The following WWOX variants were observed in gnomAD, a reference collection of about 807,000 sequenced individuals.
WWOX encodes the protein WW domain containing oxidoreductase, also known as WW domain-containing oxidoreductase.
Under a neutral mutation model 46.2 loss-of-function variants are expected in WWOX, and 69 were observed. That is an observed-to-expected ratio of 1.49 (90% CI 1.23 to 1.82). The LOEUF is 1.82. Among genes scored for constraint, WWOX ranks in the 40% most tolerant of loss-of-function variants. The pLI, the probability that WWOX is intolerant of heterozygous loss-of-function variation, is 0.00. For synonymous variants in WWOX, 359 were observed against 202.6 expected (o/e 1.77, Z -6.56); for missense variants, 919 against 542.6 (o/e 1.69, Z -6.89).
At chr16:78,364,045 C>A (rs1279251399) in intron 5 of WWOX, among the ~76,000 whole-genome samples, 4 of 152,158 alleles carry the variant, frequency 2.6e-5, no homozygotes, top group African/African-American at 4.8e-5. Flanking sequence ...CGTGCCACAT[C>A]CCCCCACTCA....
intron 8 of WWOX, among the ~76,000 whole-genome samples, chr16:78,730,617 A>ATTTTGTTTTTT (rs2048946607): frequency 8.1e-6 from 1 of 123,062 alleles, no homozygotes; most frequent in African/African-American, 2.9e-5. Context: ...ACGCCCGGCA[A>ATTTTGTTTTTT]TTTTTTTTTT....
chr16:78,964,049 A>C (rs2046321393), intron 8 of WWOX, among the ~76,000 whole-genome samples: 1 of 152,212 alleles, frequency 6.6e-6, no homozygotes, highest in African/African-American at 2.4e-5. Context: ...TAGAACTGTA[A>C]GCCTGATTAA....
intron 7 of WWOX, among the ~76,000 whole-genome samples, chr16:78,429,647 T>C (rs1422885829): frequency 1.3e-5 from 2 of 152,232 alleles, no homozygotes; most frequent in African/African-American, 4.8e-5. Context: ...TTTCAAGTCA[T>C]GTCCCATACC....
intron 5 of WWOX, among the ~76,000 whole-genome samples, chr16:78,353,363 C>T (rs2081220921): frequency 6.6e-6 from 1 of 152,308 alleles, no homozygotes; most frequent in East Asian, 1.9e-4. Context: ...ACAGATGCCA[C>T]AGCTGGGCTG....
chr16:78,927,768 C>T (rs1413021210), intron 8 of WWOX, among the ~76,000 whole-genome samples: 4 of 152,108 alleles, frequency 2.6e-5, no homozygotes, highest in African/African-American at 7.2e-5. Flanking sequence ...ATTGCTCCAG[C>T]GTGGGGGAAT....
In WWOX at chr16:78,594,429, G is replaced by GCCCCCCCCCCCCCCCC. The variant is rs138806967; in HGVS notation, c.1056+161678_1056+161693dup. On this transcript the variant is annotated intron_variant, in intron 8 of 8. Transcript: ENST00000566780. ...TCTTGACGAAGAAGACTGAGGAAAG[G>GCCCCCCCCCCCCCCCC]CCCCCCCCCCCCCCCCGCCAAATTG... Among the ~76,000 whole-genome samples, 29 of 32,376 alleles carry GCCCCCCCCCCCCCCCC rather than the reference G, an allele frequency of 9.0e-4. 2 individuals are homozygous for GCCCCCCCCCCCCCCCC. The highest frequency in any genetic ancestry group is 2.4e-3 in the African/African-American group (18 of 7,364). The allele number at this position is 32,376 out of a possible 152,430, so 21.2% of individuals were successfully genotyped here. A position where few individuals can be genotyped will look rare whatever the true frequency, so the allele number is the denominator to read the frequency against.
chr16:78,693,026 T>C (rs938484314), intron 8 of WWOX, among the ~76,000 whole-genome samples: 1 of 152,234 alleles, frequency 6.6e-6, no homozygotes, highest in Non-Finnish European at 1.5e-5. Context: ...CCCAACCATA[T>C]GGACATCATA....
At chr16:79,028,209 A>G (rs1370116057) in intron 8 of WWOX, among the ~76,000 whole-genome samples, 1 of 151,730 alleles carries the variant, frequency 6.6e-6, no homozygotes, top group Non-Finnish European at 1.5e-5. Flanking sequence ...TTGGCCTCCC[A>G]AAGTGCTGGG....
At chr16:78,391,016 C>G (rs1567544493) in intron 6 of WWOX, among the ~76,000 whole-genome samples, 2 of 152,168 alleles carry the variant, frequency 1.3e-5, no homozygotes, top group Non-Finnish European at 2.9e-5. Context: ...TTTCTCCACA[C>G]TGGGATAGGC....
chr16:79,187,134 C>G (rs909941910), intron 8 of WWOX, among the ~76,000 whole-genome samples: 2 of 152,188 alleles, frequency 1.3e-5, no homozygotes, highest in African/African-American at 4.8e-5. Flanking sequence ...CCCCTGGGTT[C>G]AAATCCCAGC....
intron 6 of WWOX, among the ~76,000 whole-genome samples, chr16:78,406,783 C>T (rs368723899): frequency 1.3e-5 from 2 of 151,920 alleles, no homozygotes; most frequent in South Asian, 2.1e-4. Flanking sequence ...TGTGCCACCA[C>T]GCCTGGTTAG....
At chr16:78,725,844 T>G (rs980873926) in intron 8 of WWOX, among the ~76,000 whole-genome samples, 6 of 152,074 alleles carry the variant, frequency 3.9e-5, no homozygotes, top group African/African-American at 1.4e-4. Context: ...GGCTTGTAGG[T>G]GCATCACTCC....
intron 8 of WWOX, among the ~76,000 whole-genome samples, chr16:79,080,655 C>T (rs1452963129): frequency 6.6e-6 from 1 of 152,124 alleles, no homozygotes; most frequent in African/African-American, 2.4e-5. Flanking sequence ...CTGTATCCGG[C>T]ATCGGGGTCT....
At chr16:78,672,951 C>T (rs545858916) in intron 8 of WWOX, among the ~76,000 whole-genome samples, 1 of 152,316 alleles carries the variant, frequency 6.6e-6, no homozygotes, top group African/African-American at 2.4e-5. Context: ...TTGTGCAATC[C>T]ATAAGAGGGC....
chr16:78,210,260 A>G (rs953641711), intron 5 of WWOX, among the ~76,000 whole-genome samples: 1 of 152,202 alleles, frequency 6.6e-6, no homozygotes, highest in Non-Finnish European at 1.5e-5. Flanking sequence ...TAAATTGTAT[A>G]TTGAAGAGCT....
In WWOX at chr16:78,339,453, C is replaced by G. The variant is rs1250314773; in HGVS notation, c.517-47407C>G. On this transcript the variant is annotated intron_variant, in intron 5 of 8. Transcript: ENST00000566780. The stretch of plus-strand genomic sequence containing the variant: ...CCTTTTTGCTTGGTGCACAGGAATA[C>G]TTGGTGATGTTCTTTTTAAAACTGC... Among the ~76,000 whole-genome samples the G allele has an allele frequency of 1.7e-5, 2 of 117,926 alleles. 1 individual carries two copies. The highest frequency in any genetic ancestry group is 4.0e-5 in the Non-Finnish European group (2 of 49,848). 77.4% of individuals were successfully genotyped at this position (117,926 alleles called of 152,430 possible).
Position 78,594,548 on chromosome 16 carries a change from C to A in WWOX, c.1056+161796C>A, listed in dbSNP as rs4887968. 2.5e-4 allele frequency among the ~76,000 whole-genome samples: 38 copies of A among 150,682 alleles called. 1 individual carries two copies. Among genetic ancestry groups the A allele is most frequent in the East Asian group, 1.8e-3 (9 of 5,016 alleles). On this transcript the variant is annotated intron_variant, in intron 8 of 8. Coordinates refer to ENST00000566780, the MANE Select transcript of WWOX (RefSeq NM_016373.4). Reference sequence around the variant, plus strand: ...ATCCCACATGAAAAGTCTCAATCACCTGGCTCAAACTCATAGTTTTCAGGT... The same window carrying A: ...ATCCCACATGAAAAGTCTCAATCACATGGCTCAAACTCATAGTTTTCAGGT...
intron 5 of WWOX, among the ~76,000 whole-genome samples, chr16:78,345,458 C>CACAAAAAAA (rs1475313034): frequency 7.5e-5 from 2 of 26,780 alleles, no homozygotes; most frequent in African/African-American, 1.7e-4. Context: ...CCATCGCTAC[C>CACAAAAAAA]AAAAAAAAAA....
At chr16:78,232,317 T>C (rs1189915442) in intron 5 of WWOX, among the ~76,000 whole-genome samples, 2 of 152,200 alleles carry the variant, frequency 1.3e-5, no homozygotes, top group Non-Finnish European at 2.9e-5. Flanking sequence ...AAAGAGAGTT[T>C]CTACGTGATC....
Sources: gnomAD v4.1 joint callset for allele counts (sites outside exome capture counted in the v4.1 genomes callset) on GRCh38, gnomAD v4.1.1 for gene constraint, MANE v1.5 for transcripts, NCBI Gene and HGNC (gene_info 2026-07-23, HGNC 2026-07-21) for gene names.